Variants in TRAPPC9 observed in about 807,000 individuals in gnomAD.
TRAPPC9 encodes the protein trafficking protein particle complex subunit 9.
A neutral mutation model predicts 124.0 loss-of-function variants in TRAPPC9; 83 were observed. The observed-to-expected ratio is 0.67, with a 90% CI of 0.56 to 0.80. The LOEUF (loss-of-function observed/expected upper bound fraction) is 0.80, where lower values mean the gene tolerates loss of function less well. Ranked by LOEUF, TRAPPC9 falls within the 30% of genes least tolerant of loss-of-function variation. TRAPPC9 has a pLI of 0.00. For synonymous variants in TRAPPC9, 638 were observed against 617.5 expected, an observed-to-expected ratio of 1.03 and a Z score of -0.49; for missense variants, 1,302 against 1,508.3, an observed-to-expected ratio of 0.86 and a Z score of 2.27.
intron 15 of TRAPPC9, among the ~76,000 whole-genome samples, chr8:140,273,407 C>T (rs112956766): frequency 0.02 from 3,104 of 152,298 alleles, 103 homozygotes; most frequent in African/African-American, 0.068. Context: ...ACCTGGCCAC[C>T]GACAGCTGTG....
At chr8:139,750,866 G>A (rs1305002993) in intron 21 of TRAPPC9, among the ~76,000 whole-genome samples, 1 of 152,166 alleles carries the variant, frequency 6.6e-6, no homozygotes, top group Non-Finnish European at 1.5e-5. Context: ...AGCAGCAGCA[G>A]GTGACATCAG....
intron 5 of TRAPPC9, among the ~76,000 whole-genome samples, chr8:140,408,552 C>T (rs1215863378): frequency 6.6e-6 from 1 of 152,126 alleles, no homozygotes; most frequent in Non-Finnish European, 1.5e-5. Flanking sequence ...ACCAGTGTGG[C>T]AATAATTTCA....
chr8:140,048,164 T>C (rs1476276771), intron 17 of TRAPPC9, among the ~76,000 whole-genome samples: 1 of 152,212 alleles, frequency 6.6e-6, no homozygotes, highest in East Asian at 1.9e-4. Flanking sequence ...CAGCTGTGGG[T>C]CCCTGAGCAT....
At chr8:140,284,054 G>A (rs754983621) in intron 13 of TRAPPC9, 33 bp from the exon 14 acceptor site, 8 of 1,613,308 alleles carry the variant, frequency 5.0e-6, no homozygotes, top group Admixed American at 1.7e-5. Flanking sequence ...TCACTCCACT[G>A]GCAAGGCTTT....
At chr8:140,347,803 A>G (rs936322780) in intron 9 of TRAPPC9, among the ~76,000 whole-genome samples, 3 of 152,210 alleles carry the variant, frequency 2.0e-5, no homozygotes, top group African/African-American at 7.2e-5. Flanking sequence ...GTGTACATGT[A>G]TGTCTCTAGA....
At chr8:139,737,475 C>G (rs555972777) in intron 21 of TRAPPC9, among the ~76,000 whole-genome samples, 2 of 128,254 alleles carry the variant, frequency 1.6e-5, no homozygotes, top group Admixed American at 7.4e-5. Context: ...CTCCCCCCCC[C>G]CCCACGGAAA....
intron 10 of TRAPPC9, among the ~76,000 whole-genome samples, chr8:140,307,870 G>A (rs939665645): frequency 6.6e-6 from 1 of 152,110 alleles, no homozygotes; most frequent in African/African-American, 2.4e-5. Context: ...GTAATCTTGA[G>A]GTAAAGACAG....
chr8:139,804,174 ACCACCCACCACCG>A (rs1441681932), intron 21 of TRAPPC9, among the ~76,000 whole-genome samples: 1 of 112,474 alleles, frequency 8.9e-6, no homozygotes, highest in African/African-American at 3.5e-5. Context: ...CACCACCACC[ACCACCCACCACCG>A]CCACCAAGCA....
intron 17 of TRAPPC9, among the ~76,000 whole-genome samples, chr8:140,108,340 C>G (rs1303203549): frequency 6.6e-6 from 1 of 152,250 alleles, no homozygotes; most frequent in Non-Finnish European, 1.5e-5. Flanking sequence ...GGCAGCCTCT[C>G]AGAGTGGATG....
intron 17 of TRAPPC9, among the ~76,000 whole-genome samples, chr8:140,041,599 G>A (rs1345568210): frequency 6.6e-6 from 1 of 152,218 alleles, no homozygotes; most frequent in Non-Finnish European, 1.5e-5. Flanking sequence ...CAGGGGATGG[G>A]GAGAACGCTC....
intron 19 of TRAPPC9, among the ~76,000 whole-genome samples, chr8:139,976,710 C>A (rs1056343836): frequency 5.3e-5 from 8 of 152,234 alleles, no homozygotes; most frequent in African/African-American, 1.9e-4. Flanking sequence ...AGCCACAGGC[C>A]AAGACGTACA....
At chr8:140,278,061 C>T (rs1279318399) in intron 14 of TRAPPC9, among the ~76,000 whole-genome samples, 2 of 152,042 alleles carry the variant, frequency 1.3e-5, no homozygotes, top group East Asian at 1.9e-4. Context: ...TGTAGCTCTG[C>T]CCTCCCCACC....
In TRAPPC9 at chr8:140,336,733, C is replaced by G. The variant is rs530555111; in HGVS notation, c.1495+23317G>C. Reference sequence around the variant, plus strand: ...TCTCATCCAATCCTTGTCTTTCAAACAAATGACAACTGTATCTAAGTTGAT... The same window carrying G: ...TCTCATCCAATCCTTGTCTTTCAAAGAAATGACAACTGTATCTAAGTTGAT... On this transcript the variant is annotated intron_variant, in intron 9 of 22. Transcript: ENST00000438773. Among the ~76,000 whole-genome samples the G allele has an allele frequency of 5.3e-5, 8 of 152,250 alleles. 1 individual carries two copies. In the South Asian group the frequency reaches 1.7e-3, roughly 32 times the overall value.
At chr8:140,082,851 G>C (rs1843922196) in intron 17 of TRAPPC9, among the ~76,000 whole-genome samples, 1 of 152,132 alleles carries the variant, frequency 6.6e-6, no homozygotes, top group Admixed American at 6.6e-5. Flanking sequence ...CGTTGACTTG[G>C]GACTGCTTTT....
chr8:139,749,549 C>T (rs1016536732), intron 21 of TRAPPC9, among the ~76,000 whole-genome samples: 18 of 152,162 alleles, frequency 1.2e-4, no homozygotes, highest in African/African-American at 4.1e-4. Flanking sequence ...TGAAGCATGC[C>T]GGGAACCCCT....
chr8:140,445,910 G>A (rs991047375), intron 2 of TRAPPC9, among the ~76,000 whole-genome samples: 1 of 152,214 alleles, frequency 6.6e-6, no homozygotes, highest in African/African-American at 2.4e-5. Flanking sequence ...GCCAAAGAGT[G>A]TCCTGCAGGG....
At chr8:139,773,466 C>G (rs994989140) in intron 21 of TRAPPC9, among the ~76,000 whole-genome samples, 8 of 152,186 alleles carry the variant, frequency 5.3e-5, no homozygotes, top group South Asian at 2.1e-4. Flanking sequence ...GCGACTGCCC[C>G]GAAGGGAAAT....
intron 8 of TRAPPC9, among the ~76,000 whole-genome samples, chr8:140,366,017 G>C: frequency 6.6e-6 from 1 of 152,190 alleles, no homozygotes; most frequent in Non-Finnish European, 1.5e-5. Flanking sequence ...GTGAGAACAT[G>C]TGGTATTTGG....
chr8:140,137,190 T>TA (rs1447097571), intron 17 of TRAPPC9, among the ~76,000 whole-genome samples: 2 of 152,030 alleles, frequency 1.3e-5, no homozygotes, highest in African/African-American at 4.8e-5. Context: ...AATTGGCAAA[T>TA]AGACAAAGCC....
Sources: gnomAD v4.1 joint callset for allele counts (sites outside exome capture counted in the v4.1 genomes callset) on GRCh38, gnomAD v4.1.1 for gene constraint, MANE v1.5 for transcripts, NCBI Gene and HGNC (gene_info 2026-07-23, HGNC 2026-07-21) for gene names.